PACRG: variants seen among roughly 807,000 people sequenced by gnomAD.
PACRG encodes the protein parkin coregulated.
In PACRG, 29 loss-of-function variants were observed where a neutral mutation model predicts 29.7. The observed-to-expected ratio is 0.98, with a 90% CI of 0.73 to 1.33. The LOEUF (loss-of-function observed/expected upper bound fraction) is 1.33. PACRG is among the 40% of genes most tolerant of loss of function. The pLI, the probability that PACRG is intolerant of heterozygous loss-of-function variation, is 0.00. For synonymous variants in PACRG, 116 were observed against 118.7 expected, an observed-to-expected ratio of 0.98 and a Z score of 0.15; for missense variants, 279 against 316.2, an observed-to-expected ratio of 0.88 and a Z score of 0.89.
At chr6:162,926,151 G>GA (rs1797422637) in intron 2 of PACRG, among the ~76,000 whole-genome samples, 1 of 151,986 alleles carries the variant, frequency 6.6e-6, no homozygotes, top group African/African-American at 2.4e-5. Context: ...AAGAAAATAA[G>GA]AGAGGACACA....
chr6:162,951,279 C>T (rs139165592), intron 2 of PACRG, among the ~76,000 whole-genome samples: 1 of 152,158 alleles, frequency 6.6e-6, no homozygotes, highest in Non-Finnish European at 1.5e-5. Context: ...TCTATTTATG[C>T]AAATGAAAGA....
rs116541995 is a variant in PACRG at position 162,944,625 on chromosome 6, T to C, written c.292-117525T>C. On this transcript the variant is annotated intron_variant, in intron 2 of 4. Coordinates refer to ENST00000366888, the MANE Select transcript of PACRG (RefSeq NM_001080379.2). Reference sequence around the variant, plus strand: ...AAGATGTTTACCAAAGAGATAGATATTATAAAAAGCATCAAACAGAAATTC... The same window carrying C: ...AAGATGTTTACCAAAGAGATAGATACTATAAAAAGCATCAAACAGAAATTC... 5.2e-3 allele frequency among the ~76,000 whole-genome samples: 790 copies of C among 152,186 alleles called. 11 individuals are homozygous for C. Among genetic ancestry groups the C allele is most frequent in the African/African-American group, 0.018 (758 of 41,520 alleles).
In PACRG at chr6:163,279,621, G is replaced by A. The variant is rs1205740235; in HGVS notation, c.614-35206G>A. Among the ~76,000 whole-genome samples, 7 of 151,978 alleles carry A rather than the reference G, an allele frequency of 4.6e-5. No homozygotes were observed. In the South Asian group the frequency reaches 1.2e-3, roughly 27 times the overall value. ...TGAGATCTTGTGTTTTTGCTTTAAGGGCTCTTAATATTGAATTCAATCAGA... is the reference window on the plus strand; with the variant it reads ...TGAGATCTTGTGTTTTTGCTTTAAGAGCTCTTAATATTGAATTCAATCAGA... On this transcript the variant is annotated intron_variant, in intron 4 of 4. Coordinates refer to ENST00000366888, the MANE Select transcript of PACRG (RefSeq NM_001080379.2).
At chr6:163,124,120 G>A (rs1412981308) in intron 4 of PACRG, among the ~76,000 whole-genome samples, 1 of 152,174 alleles carries the variant, frequency 6.6e-6, no homozygotes, top group Non-Finnish European at 1.5e-5. Context: ...CAAGTCCTTT[G>A]CATGTTGTAA....
rs531132405 is a variant in PACRG at position 162,879,622 on chromosome 6, G to A, written c.291+65341G>A. On this transcript the variant is annotated intron_variant, in intron 2 of 4. Transcript: ENST00000366888. ...GCAAAGGTTTTACTCAGTGGTTAGG[G>A]TAAATAGGAGGCTTCATTCATTAAT... Among the ~76,000 whole-genome samples the A allele has an allele frequency of 3.3e-5, 5 of 152,238 alleles. No homozygotes were observed. In the East Asian group the frequency reaches 9.6e-4, roughly 29 times the overall value.
chr6:162,964,920 A>T (rs1338399575), intron 2 of PACRG, among the ~76,000 whole-genome samples: 1 of 152,204 alleles, frequency 6.6e-6, no homozygotes, highest in Non-Finnish European at 1.5e-5. Context: ...TGAACATCTG[A>T]ATGTAACGAC....
intron 4 of PACRG, among the ~76,000 whole-genome samples, chr6:163,139,445 A>G (rs1243385212): frequency 6.6e-6 from 1 of 152,204 alleles, no homozygotes; most frequent in Non-Finnish European, 1.5e-5. Flanking sequence ...CCATGGGTCA[A>G]CCTGTGTGAT....
chr6:163,114,714 G>A (rs1182670781), intron 4 of PACRG, among the ~76,000 whole-genome samples: 1 of 151,976 alleles, frequency 6.6e-6, no homozygotes, highest in Non-Finnish European at 1.5e-5. Context: ...GGGAGAAATA[G>A]GGAGATGTTG....
At chr6:162,959,224 A>G (rs377292231) in intron 2 of PACRG, among the ~76,000 whole-genome samples, 10 of 151,826 alleles carry the variant, frequency 6.6e-5, no homozygotes, top group Admixed American at 2.0e-4. Context: ...TGGCCAACAC[A>G]TGGATATTAT....
chr6:163,096,091 G>T (rs1055162988), intron 4 of PACRG, among the ~76,000 whole-genome samples: 1 of 152,190 alleles, frequency 6.6e-6, no homozygotes, highest in African/African-American at 2.4e-5. Flanking sequence ...GGAAGGGTTT[G>T]TTTAGTTAAG....
chr6:163,037,066 T>C (rs748396562), intron 2 of PACRG, among the ~76,000 whole-genome samples: 9 of 152,188 alleles, frequency 5.9e-5, no homozygotes, highest in Non-Finnish European at 1.2e-4. Context: ...ATATGTGGTG[T>C]TGGGAACAAA....
intron 4 of PACRG, among the ~76,000 whole-genome samples, chr6:163,131,315 CAAAAAAAAA>C (rs55958953): frequency 6.6e-5 from 9 of 136,212 alleles, no homozygotes; most frequent in African/African-American, 2.3e-4. Context: ...CTGTCTCAAA[CAAAAAAAAA>C]AAAAAAAAAA....
Position 162,728,161 on chromosome 6 carries a change from C to T in PACRG, c.-75C>T. ...GCGCCTTTTGATATTTTTTTCCAGACCTCCTGCTCACATCCGTAAAGCCCA... is the reference window on the plus strand; with the variant it reads ...GCGCCTTTTGATATTTTTTTCCAGATCTCCTGCTCACATCCGTAAAGCCCA... On this transcript the variant is annotated 5_prime_UTR_variant, in exon 1 of 5. Coordinates refer to ENST00000366888, the MANE Select transcript of PACRG (RefSeq NM_001080379.2). 1 of 1,531,794 alleles carries T rather than the reference C, an allele frequency of 6.5e-7. No individual in the cohort carries two copies. Among genetic ancestry groups the T allele is most frequent in the Non-Finnish European group, 8.9e-7 (1 of 1,129,700 alleles). The allele number at this position is 1,531,794 out of a possible 1,614,324, so 94.9% of individuals were successfully genotyped here. A position where few individuals can be genotyped will look rare whatever the true frequency, so the allele number is the denominator to read the frequency against.
chr6:163,083,713 G>A lies in PACRG; in HGVS notation c.464-5546G>A, dbSNP rs550012036. On this transcript the variant is annotated intron_variant, in intron 3 of 4. Transcript: ENST00000366888. Reference sequence around the variant, plus strand: ...TAATTGGAAGATTCAGTCCTTTATTGGGTTGTGATAGCTATTTGTATGTTA... The same window carrying A: ...TAATTGGAAGATTCAGTCCTTTATTAGGTTGTGATAGCTATTTGTATGTTA... Among the ~76,000 whole-genome samples the A allele has an allele frequency of 6.2e-4, 94 of 152,140 alleles. No individual in the cohort carries two copies. The South Asian group carries it at 0.019, about 30-fold the overall frequency.
Position 163,080,437 on chromosome 6 carries a change from C to T in PACRG, c.464-8822C>T, listed in dbSNP as rs530105943. Among the ~76,000 whole-genome samples, 217 of 151,940 alleles carry T rather than the reference C, an allele frequency of 1.4e-3. 1 individual carries two copies. Among genetic ancestry groups the T allele is most frequent in the Middle Eastern group, 6.8e-3 (2 of 294 alleles). On this transcript the variant is annotated intron_variant, in intron 3 of 4. Transcript: ENST00000366888. ...TCAGTTTCTGTGAGACGTGCTCATACGTGTGTAAGCAAGTGCAGGCCCAAC... is the reference window on the plus strand; with the variant it reads ...TCAGTTTCTGTGAGACGTGCTCATATGTGTGTAAGCAAGTGCAGGCCCAAC...
intron 3 of PACRG, among the ~76,000 whole-genome samples, chr6:163,071,478 T>C (rs904583046): frequency 6.6e-5 from 10 of 151,770 alleles, no homozygotes; most frequent in African/African-American, 2.2e-4. Flanking sequence ...AAATTGAAAA[T>C]TTTCTTGAAA....
At chr6:163,034,500 G>A (rs183289956) in intron 2 of PACRG, among the ~76,000 whole-genome samples, 11 of 152,146 alleles carry the variant, frequency 7.2e-5, no homozygotes, top group South Asian at 2.1e-4. Flanking sequence ...TCAAGCATCC[G>A]TGCCTTTTAT....
intron 4 of PACRG, among the ~76,000 whole-genome samples, chr6:163,196,035 G>T (rs142909922): frequency 1.8e-4 from 28 of 152,242 alleles, no homozygotes; most frequent in African/African-American, 6.7e-4. Flanking sequence ...CCCAGACCCC[G>T]TCCCTCCAGT....
At chr6:162,982,300 T>C (rs1802505757) in intron 2 of PACRG, among the ~76,000 whole-genome samples, 1 of 152,072 alleles carries the variant, frequency 6.6e-6, no homozygotes. Flanking sequence ...CAATTTCATG[T>C]AGTTCTGCTG....
Sources: gnomAD v4.1 joint callset for allele counts (sites outside exome capture counted in the v4.1 genomes callset) on GRCh38, gnomAD v4.1.1 for gene constraint, MANE v1.5 for transcripts, NCBI Gene and HGNC (gene_info 2026-07-23, HGNC 2026-07-21) for gene names.